The following UQCC1 variants were observed in gnomAD, a reference collection of about 807,000 sequenced individuals.
The protein encoded by UQCC1 is bFGF-repressed Zic-binding protein.
In UQCC1, 38 loss-of-function variants were observed where a neutral mutation model predicts 48.0. That is an observed-to-expected ratio of 0.79 (90% CI 0.61 to 1.04). The LOEUF is 1.04. Among genes scored for constraint, UQCC1 ranks in the 50% least tolerant of loss-of-function variants. UQCC1 has a pLI of 0.00. For missense variants in UQCC1, 368 were observed against 381.8 expected (o/e 0.96, Z 0.30); for synonymous variants, 111 against 129.2 (o/e 0.86, Z 0.95).
intron 1 of UQCC1, among the ~76,000 whole-genome samples, chr20:35,396,748 G>T (rs1458596054): frequency 6.6e-6 from 1 of 152,176 alleles, no homozygotes; most frequent in Non-Finnish European, 1.5e-5. Context: ...TGGAGAAAGG[G>T]ATAGCTCTCT....
At chr20:35,356,930 A>G (rs915150712) in intron 6 of UQCC1, among the ~76,000 whole-genome samples, 8 of 152,260 alleles carry the variant, frequency 5.3e-5, no homozygotes, top group Admixed American at 4.6e-4. Flanking sequence ...GTAGGAAAAG[A>G]GGAAATGAAA....
At chr20:35,309,605 ACAG>A (rs1333784280) in intron 8 of UQCC1, among the ~76,000 whole-genome samples, 1 of 152,198 alleles carries the variant, frequency 6.6e-6, no homozygotes, top group African/African-American at 2.4e-5. Context: ...ACATGAGGGC[ACAG>A]CATAATTTCC....
At chr20:35,355,676 T>A (rs1685866923) in intron 6 of UQCC1, among the ~76,000 whole-genome samples, 1 of 152,168 alleles carries the variant, frequency 6.6e-6, no homozygotes, top group Admixed American at 6.6e-5. Context: ...AGGTAATACA[T>A]GTACATAGTA....
chr20:35,361,805 GTAAA>G (rs1263423790), intron 6 of UQCC1, among the ~76,000 whole-genome samples: 1 of 152,082 alleles, frequency 6.6e-6, no homozygotes, highest in South Asian at 2.1e-4. Context: ...AATAATGTAT[GTAAA>G]TAAATAAATG....
chr20:35,354,977 T>C (rs1030190248), intron 6 of UQCC1, among the ~76,000 whole-genome samples: 3 of 152,122 alleles, frequency 2.0e-5, no homozygotes, highest in Admixed American at 6.5e-5. Context: ...ACTGAAATAA[T>C]GTGAGCTATG....
chr20:35,398,900 C>T (rs1319158248), intron 1 of UQCC1, among the ~76,000 whole-genome samples: 1 of 152,124 alleles, frequency 6.6e-6, no homozygotes, highest in East Asian at 1.9e-4. Context: ...TCCGGTTGGT[C>T]TTAGGCCAAT....
At chr20:35,355,685 T>C (rs1312832918) in intron 6 of UQCC1, among the ~76,000 whole-genome samples, 2 of 152,180 alleles carry the variant, frequency 1.3e-5, no homozygotes, top group Non-Finnish European at 2.9e-5. Context: ...ATGTACATAG[T>C]AATAAAAACC....
intron 2 of UQCC1, among the ~76,000 whole-genome samples, chr20:35,393,485 C>A (rs1001698892): frequency 3.2e-5 from 3 of 94,388 alleles, no homozygotes; most frequent in Non-Finnish European, 6.6e-5. Context: ...CACACACACA[C>A]ACACACAAAC....
intron 7 of UQCC1, among the ~76,000 whole-genome samples, chr20:35,320,984 G>A (rs1231570492): frequency 6.6e-6 from 1 of 152,226 alleles, no homozygotes; most frequent in African/African-American, 2.4e-5. Context: ...CCAATGCTTT[G>A]CAGTGCCAAC....
intron 7 of UQCC1, among the ~76,000 whole-genome samples, chr20:35,315,884 TCAAA>T (rs1405332683): frequency 6.6e-6 from 1 of 152,148 alleles, no homozygotes. Flanking sequence ...AGAGCCTGTC[TCAAA>T]CAAACAAAAA....
intron 4 of UQCC1, among the ~76,000 whole-genome samples, chr20:35,374,718 T>C (rs1484044116): frequency 6.6e-6 from 1 of 152,180 alleles, no homozygotes; most frequent in Non-Finnish European, 1.5e-5. Context: ...TCTCGGGGGA[T>C]GGAGTAAGCG....
chr20:35,360,777 T>A (rs1040626352), intron 6 of UQCC1, among the ~76,000 whole-genome samples: 7 of 152,160 alleles, frequency 4.6e-5, no homozygotes, highest in Admixed American at 1.3e-4. Context: ...ACACAGATAG[T>A]GAGCGCCAAG....
chr20:35,369,525 G>C (rs778430910), intron 5 of UQCC1, among the ~76,000 whole-genome samples: 6 of 152,258 alleles, frequency 3.9e-5, no homozygotes, highest in Non-Finnish European at 8.8e-5. Flanking sequence ...TTACTGTTAT[G>C]GGGTGGCAGC....
At chr20:35,388,365 A>C (rs2061973689) in intron 2 of UQCC1, among the ~76,000 whole-genome samples, 2 of 136,078 alleles carry the variant, frequency 1.5e-5, no homozygotes, top group Non-Finnish European at 3.0e-5. Context: ...GTCATGGGTC[A>C]CTGCAACTTT....
At chr20:35,408,549 C>T (rs1414304571) in intron 1 of UQCC1, among the ~76,000 whole-genome samples, 1 of 152,128 alleles carries the variant, frequency 6.6e-6, no homozygotes, top group Non-Finnish European at 1.5e-5. Context: ...AACAGTAGGA[C>T]AATTCCTCAA....
intron 8 of UQCC1, among the ~76,000 whole-genome samples, chr20:35,307,762 T>A (rs2060944895): frequency 6.6e-6 from 1 of 152,210 alleles, no homozygotes; most frequent in Non-Finnish European, 1.5e-5. Flanking sequence ...CTGCTCTACT[T>A]ATAGCATTCT....
chr20:35,306,149 A>G (rs1465166631), intron 9 of UQCC1, among the ~76,000 whole-genome samples: 2 of 152,028 alleles, frequency 1.3e-5, no homozygotes, highest in Admixed American at 1.3e-4. Context: ...AGCCCTGGGG[A>G]GCCAGAGGGG....
At chr20:35,336,168 G>A (rs1159101842) in intron 7 of UQCC1, among the ~76,000 whole-genome samples, 1 of 152,228 alleles carries the variant, frequency 6.6e-6, no homozygotes, top group Non-Finnish European at 1.5e-5. Flanking sequence ...TTCGTACAGA[G>A]TAGTAATTAA....
intron 7 of UQCC1, among the ~76,000 whole-genome samples, chr20:35,332,446 C>T (rs966768827): frequency 2.0e-5 from 3 of 152,204 alleles, no homozygotes; most frequent in African/African-American, 7.2e-5. Flanking sequence ...TGCAGGAAGG[C>T]ATGGTGGCTG....
Sources: gnomAD v4.1 joint callset for allele counts (sites outside exome capture counted in the v4.1 genomes callset) on GRCh38, gnomAD v4.1.1 for gene constraint, MANE v1.5 for transcripts, NCBI Gene and HGNC (gene_info 2026-07-23, HGNC 2026-07-21) for gene names.